The following ERBB4 variants were observed in gnomAD, a reference collection of about 807,000 sequenced individuals.
The protein encoded by ERBB4 is receptor tyrosine-protein kinase erbB-4.
In ERBB4, 42 loss-of-function variants were observed where a neutral mutation model predicts 158.0. The ratio of observed to expected loss-of-function variants is 0.27; its 90% confidence interval spans 0.21 to 0.34. ERBB4 has a LOEUF of 0.34. Among genes scored for constraint, ERBB4 ranks in the 10% least tolerant of loss-of-function variants. The probability of loss-of-function intolerance (pLI) is 1.00; values close to 1 mark genes in which losing one functional copy is unlikely to be tolerated. For missense variants in ERBB4, 1,333 were observed against 1,624.1 expected, an observed-to-expected ratio of 0.82 and a Z score of 3.08; for synonymous variants, 583 against 558.7, an observed-to-expected ratio of 1.04 and a Z score of -0.61.
At chr2:211,637,759 A>G (rs955668901) in intron 16 of ERBB4, among the ~76,000 whole-genome samples, 1 of 152,054 alleles carries the variant, frequency 6.6e-6, no homozygotes, top group African/African-American at 2.4e-5. Flanking sequence ...ACAAGAAAAT[A>G]GAAAAGATGC....
intron 2 of ERBB4, among the ~76,000 whole-genome samples, chr2:212,103,879 T>C (rs2079152438): frequency 6.6e-6 from 1 of 152,126 alleles, no homozygotes; most frequent in African/African-American, 2.4e-5. Context: ...AAATTTTATG[T>C]TCTGAAAGAG....
intron 4 of ERBB4, among the ~76,000 whole-genome samples, chr2:211,773,284 T>C (rs923305678): frequency 1.3e-5 from 2 of 151,560 alleles, no homozygotes; most frequent in Non-Finnish European, 2.9e-5. Flanking sequence ...AAAAGATAAG[T>C]AGAAACTAAT....
At chr2:212,423,869 T>C (rs149923228) in intron 1 of ERBB4, among the ~76,000 whole-genome samples, 1 of 152,298 alleles carries the variant, frequency 6.6e-6, no homozygotes, top group East Asian at 1.9e-4. Flanking sequence ...ACTGAACCAA[T>C]GCTACAGGAG....
rs368246138 is a variant in ERBB4, at chr2:212,200,608, A to C, written c.83-75705T>G. On this transcript the variant is annotated intron_variant, in intron 1 of 27. Coordinates refer to ENST00000342788, the MANE Select transcript of ERBB4 (RefSeq NM_005235.3). ...TGGCTGAAATGTGTTTCACCACGTAAATATAAAAGTAGTGCTACAGTAGGC... is the reference window on the plus strand; with the variant it reads ...TGGCTGAAATGTGTTTCACCACGTACATATAAAAGTAGTGCTACAGTAGGC... Among the ~76,000 whole-genome samples, 5 of 152,300 alleles carry C rather than the reference A, an allele frequency of 3.3e-5. No homozygotes were observed. In the South Asian group the frequency reaches 1.0e-3, roughly 32 times the overall value.
intron 1 of ERBB4, among the ~76,000 whole-genome samples, chr2:212,237,683 C>T (rs1308391852): frequency 1.3e-5 from 2 of 152,186 alleles, no homozygotes; most frequent in African/African-American, 2.4e-5. Flanking sequence ...CCCACAGCTG[C>T]CCCTTCTCCC....
At chr2:211,446,034 G>C (rs953700826) in intron 20 of ERBB4, among the ~76,000 whole-genome samples, 4 of 152,290 alleles carry the variant, frequency 2.6e-5, no homozygotes, top group Admixed American at 2.0e-4. Context: ...GAACAAGATG[G>C]GGGGAGCTAA....
At chr2:211,644,286 T>A (rs1181014619) in intron 16 of ERBB4, among the ~76,000 whole-genome samples, 1 of 152,116 alleles carries the variant, frequency 6.6e-6, no homozygotes, top group Non-Finnish European at 1.5e-5. Context: ...TTAATAACAA[T>A]GTTTAGTAAT....
intron 1 of ERBB4, among the ~76,000 whole-genome samples, chr2:212,185,034 C>CTTTTTTTTTTTTTTTTTT (rs762121501): frequency 2.8e-4 from 37 of 132,610 alleles, no homozygotes; most frequent in African/African-American, 9.9e-4. Flanking sequence ...TTTTTTTTTT[C>CTTTTTTTTTTTTTTTTTT]TTTTGAGACA....
At chr2:212,000,062 T>C (rs563040187) in intron 2 of ERBB4, among the ~76,000 whole-genome samples, 78 of 151,928 alleles carry the variant, frequency 5.1e-4, no homozygotes, top group African/African-American at 7.5e-4. Context: ...CTTTTTGACA[T>C]TGTCTGAAAA....
At chr2:211,664,914 C>T (rs2071570172) in intron 15 of ERBB4, among the ~76,000 whole-genome samples, 1 of 152,088 alleles carries the variant, frequency 6.6e-6, no homozygotes, top group Admixed American at 6.6e-5. Context: ...ATATCCTCAC[C>T]TTAAGCTTAT....
At chr2:211,981,393 C>T (rs2125231266) in intron 2 of ERBB4, among the ~76,000 whole-genome samples, 1 of 152,290 alleles carries the variant, frequency 6.6e-6, no homozygotes. Context: ...TGCTGTGTTA[C>T]ATTCTAATAA....
At chr2:211,618,812 T>C (rs2069487850) in intron 19 of ERBB4, among the ~76,000 whole-genome samples, 1 of 152,118 alleles carries the variant, frequency 6.6e-6, no homozygotes, top group Non-Finnish European at 1.5e-5. Context: ...TTAAATGCAA[T>C]TGGTTTTCCG....
At chr2:211,756,321 G>T (rs1366378526) in intron 4 of ERBB4, among the ~76,000 whole-genome samples, 1 of 152,160 alleles carries the variant, frequency 6.6e-6, no homozygotes, top group African/African-American at 2.4e-5. Context: ...GCAGTAAAGG[G>T]AAGGGAAGGA....
intron 4 of ERBB4, among the ~76,000 whole-genome samples, chr2:211,775,043 C>T (rs1343837936): frequency 6.6e-6 from 1 of 152,172 alleles, no homozygotes; most frequent in Non-Finnish European, 1.5e-5. Context: ...TTTTTACTCT[C>T]TGTAGGAAGG....
intron 3 of ERBB4, among the ~76,000 whole-genome samples, chr2:211,944,162 CACTATATATATATACTATATATATATAT>C (rs2125128797): frequency 1.4e-5 from 1 of 70,302 alleles, no homozygotes; most frequent in African/African-American, 4.9e-5. Context: ...TATATATATA[CACTATATATATATACTATATATATATAT>C]ATATATATAC....
chr2:211,394,536 C>T (rs779311602), intron 25 of ERBB4, among the ~76,000 whole-genome samples: 4 of 152,152 alleles, frequency 2.6e-5, no homozygotes, highest in Non-Finnish European at 4.4e-5. Flanking sequence ...TCAAAGACTT[C>T]TCAGTAATTC....
At position 211,512,919 on chromosome 2, in the gene ERBB4, G is replaced by A. The variant is rs567794481; in HGVS notation, c.2487+48984C>T. ...AGAATATGCTTAAATAAAAGATGTC[G>A]GGTAGAAATTAATCATTGACTGGAA... On this transcript the variant is annotated intron_variant, in intron 20 of 27. Coordinates refer to ENST00000342788, the MANE Select transcript of ERBB4 (RefSeq NM_005235.3). Among the ~76,000 whole-genome samples, 6 of 152,134 alleles carry A rather than the reference G, an allele frequency of 3.9e-5. No individual in the cohort carries two copies. The South Asian group carries it at 1.2e-3, about 32-fold the overall frequency.
intron 4 of ERBB4, among the ~76,000 whole-genome samples, chr2:211,766,474 A>G (rs1048831920): frequency 6.6e-6 from 1 of 152,246 alleles, no homozygotes; most frequent in Admixed American, 6.5e-5. Flanking sequence ...TGTTATGAAA[A>G]GGGAAAGCTG....
intron 1 of ERBB4, among the ~76,000 whole-genome samples, chr2:212,138,176 G>C (rs1396132441): frequency 6.6e-6 from 1 of 152,066 alleles, no homozygotes; most frequent in Non-Finnish European, 1.5e-5. Flanking sequence ...CACAATCAAA[G>C]TCAAAGTTCA....
Sources: allele counts gnomAD v4.1 joint callset (sites outside exome capture counted in the v4.1 genomes callset), GRCh38; gene constraint gnomAD v4.1.1; transcripts MANE v1.5; gene names NCBI Gene and HGNC (gene_info 2026-07-23, HGNC 2026-07-21).